Variants in FMN1 observed in about 807,000 individuals in gnomAD.
The protein encoded by FMN1 is formin-1.
FMN1 carries 110 observed loss-of-function variants against 132.4 expected under a neutral mutation model. The ratio of observed to expected loss-of-function variants is 0.83; its 90% CI spans 0.71 to 0.97. FMN1 has a LOEUF of 0.97. Among genes scored for constraint, FMN1 ranks in the 50% least tolerant of loss-of-function variants. FMN1 has a pLI of 0.00. For missense variants in FMN1, 1,792 were observed against 1,705.3 expected, an observed-to-expected ratio of 1.05 and a Z score of -0.90; for synonymous variants, 722 against 651.7, an observed-to-expected ratio of 1.11 and a Z score of -1.64.
At chr15:33,045,129 C>A (rs1010232001) in intron 6 of FMN1, among the ~76,000 whole-genome samples, 1 of 152,248 alleles carries the variant, frequency 6.6e-6, no homozygotes, top group African/African-American at 2.4e-5. Flanking sequence ...CCACCGCATT[C>A]CCTGATGCCA....
At chr15:32,876,456 A>G (rs1238921184) in intron 16 of FMN1, among the ~76,000 whole-genome samples, 1 of 152,220 alleles carries the variant, frequency 6.6e-6, no homozygotes, top group African/African-American at 2.4e-5. Flanking sequence ...CCATATAAAA[A>G]CTAGCATTCA....
At chr15:33,138,550 A>G (rs911013956) in intron 4 of FMN1, among the ~76,000 whole-genome samples, 3 of 152,044 alleles carry the variant, frequency 2.0e-5, no homozygotes, top group Admixed American at 2.0e-4. Context: ...GGCTTGAATT[A>G]TCCTAGCAAA....
At chr15:32,984,103 T>A (rs1029299989) in intron 7 of FMN1, among the ~76,000 whole-genome samples, 1 of 152,148 alleles carries the variant, frequency 6.6e-6, no homozygotes, top group Admixed American at 6.5e-5. Flanking sequence ...TCATATTTCA[T>A]CCATAAATGC....
intron 17 of FMN1, among the ~76,000 whole-genome samples, chr15:32,849,713 G>A (rs79987117): frequency 0.021 from 3,221 of 152,098 alleles, 102 homozygotes; most frequent in African/African-American, 0.068. Flanking sequence ...CTGCAGTGCA[G>A]TGGTATGATC....
chr15:33,163,557 G>C (rs182134683), intron 3 of FMN1, among the ~76,000 whole-genome samples: 20 of 150,132 alleles, frequency 1.3e-4, no homozygotes, highest in Admixed American at 1.3e-3. Flanking sequence ...GCCTCCCAAA[G>C]TGCTGGGATT....
At chr15:33,167,295 C>CT (rs1965147254) in intron 3 of FMN1, among the ~76,000 whole-genome samples, 1 of 152,164 alleles carries the variant, frequency 6.6e-6, no homozygotes, top group Non-Finnish European at 1.5e-5. Context: ...GGAAGTTCCC[C>CT]TGTACAAGGT....
At chr15:32,967,231 C>T (rs2031325356) in intron 8 of FMN1, among the ~76,000 whole-genome samples, 1 of 152,208 alleles carries the variant, frequency 6.6e-6, no homozygotes, top group Non-Finnish European at 1.5e-5. Context: ...TTCCCGTGGT[C>T]GTGGGTGAAG....
At chr15:32,938,949 A>T (rs1482314778) in intron 9 of FMN1, among the ~76,000 whole-genome samples, 1 of 152,198 alleles carries the variant, frequency 6.6e-6, no homozygotes, top group Admixed American at 6.6e-5. Context: ...GCTAAATAAG[A>T]CGAAAAAAGA....
intron 2 of FMN1, among the ~76,000 whole-genome samples, chr15:33,184,648 CG>C (rs984304067): frequency 1.3e-5 from 2 of 151,920 alleles, no homozygotes; most frequent in African/African-American, 4.8e-5. Flanking sequence ...GGATTACAGG[CG>C]GGCGCCACCA....
At chr15:32,937,534 T>G (rs1287981242) in intron 9 of FMN1, among the ~76,000 whole-genome samples, 1 of 152,260 alleles carries the variant, frequency 6.6e-6, no homozygotes, top group South Asian at 2.1e-4. Flanking sequence ...GTATTTTCTA[T>G]TCCACCATCT....
chr15:33,179,309 GA>G, intron 3 of FMN1, among the ~76,000 whole-genome samples: 1 of 151,950 alleles, frequency 6.6e-6, no homozygotes, highest in Admixed American at 6.6e-5. Context: ...CTAAACAAGG[GA>G]AAAAAATGGA....
At chr15:33,089,065 T>G (rs1032147162) in intron 4 of FMN1, 91 bp from the exon 5 acceptor site, 25 of 1,029,418 alleles carry the variant, frequency 2.4e-5, no homozygotes, top group Non-Finnish European at 2.9e-5. Context: ...CATAGACTTC[T>G]CTATGCTAGC....
chr15:33,044,303 T>C (rs1210558174), intron 6 of FMN1, among the ~76,000 whole-genome samples: 1 of 152,162 alleles, frequency 6.6e-6, no homozygotes, highest in Non-Finnish European at 1.5e-5. Flanking sequence ...AGGTCCCTAG[T>C]GAGGCCCCAC....
At chr15:32,926,291 C>CA in intron 9 of FMN1, 30 bp from the exon 10 acceptor site, 1 of 1,212,240 alleles carries the variant, frequency 8.2e-7, no homozygotes, top group Non-Finnish European at 1.2e-6. Context: ...AAAAAGAATA[C>CA]AAGCTCAAAT....
intron 3 of FMN1, among the ~76,000 whole-genome samples, chr15:33,171,646 T>G (rs865888096): frequency 6.6e-6 from 1 of 152,240 alleles, no homozygotes; most frequent in Non-Finnish European, 1.5e-5. Context: ...CTATGGGTTT[T>G]TTTTTAAATC....
At chr15:33,053,157 G>A (rs1413567683) in intron 6 of FMN1, among the ~76,000 whole-genome samples, 1 of 152,178 alleles carries the variant, frequency 6.6e-6, no homozygotes, top group African/African-American at 2.4e-5. Flanking sequence ...AAAGGCTGTA[G>A]AACTAGGCCT....
In FMN1 at chr15:32,884,052, GTA is replaced by G. The variant is rs368885140; in HGVS notation, c.3835+4118_3835+4119del. Among the ~76,000 whole-genome samples, 610 of 152,014 alleles carry G rather than the reference GTA, an allele frequency of 4.0e-3. 1 individual carries two copies. The highest frequency in any genetic ancestry group is 0.014 in the African/African-American group (581 of 41,476). On this transcript the variant is annotated intron_variant, in intron 16 of 20. Coordinates refer to ENST00000616417, the MANE Select transcript of FMN1 (RefSeq NM_001277313.2). Reference sequence around the variant, plus strand: ...GCTGCACGCGCATGTGTGTGTTTGTGTATGTGTGTGTGTCTGTCTCTGGTATT... The same window carrying G: ...GCTGCACGCGCATGTGTGTGTTTGTGTGTGTGTGTGTCTGTCTCTGGTATT...
chr15:33,083,860 A>G (rs962452563), intron 5 of FMN1, among the ~76,000 whole-genome samples: 1 of 152,182 alleles, frequency 6.6e-6, no homozygotes, highest in Non-Finnish European at 1.5e-5. Context: ...AAAACCCACC[A>G]AAACCAAGAT....
At chr15:33,069,082 G>A (rs2037881616) in intron 5 of FMN1, among the ~76,000 whole-genome samples, 1 of 152,066 alleles carries the variant, frequency 6.6e-6, no homozygotes, top group Admixed American at 6.6e-5. Context: ...TCTCCTAAAG[G>A]GCAAAACATC....
Sources: gnomAD v4.1 joint callset for allele counts (sites outside exome capture counted in the v4.1 genomes callset) on GRCh38, gnomAD v4.1.1 for gene constraint, MANE v1.5 for transcripts, NCBI Gene and HGNC (gene_info 2026-07-23, HGNC 2026-07-21) for gene names.